Variants in RAPGEF6 observed in about 807,000 individuals in gnomAD.
The protein encoded by RAPGEF6 is Rap guanine nucleotide exchange factor 6.
Under a neutral mutation model 171.4 loss-of-function variants are expected in RAPGEF6, and 56 were observed. The ratio of observed to expected loss-of-function variants is 0.33; its 90% confidence interval spans 0.26 to 0.41. The LOEUF is 0.41. Among genes scored for constraint, RAPGEF6 ranks in the 10% least tolerant of loss-of-function variants. The pLI, the probability that RAPGEF6 is intolerant of heterozygous loss-of-function variation, is 1.00. For missense variants in RAPGEF6, 1,674 were observed against 1,921.4 expected, an observed-to-expected ratio of 0.87 and a Z score of 2.41; for synonymous variants, 692 against 650.1, an observed-to-expected ratio of 1.06 and a Z score of -0.98.
chr5:131,537,904 A>G (rs1310015279), intron 6 of RAPGEF6, among the ~76,000 whole-genome samples: 1 of 146,076 alleles, frequency 6.8e-6, no homozygotes, highest in African/African-American at 2.6e-5. Flanking sequence ...ACCAACCTGA[A>G]AAACATGATG....
At chr5:131,600,141 G>C (rs1416352148) in intron 3 of RAPGEF6, among the ~76,000 whole-genome samples, 1 of 152,086 alleles carries the variant, frequency 6.6e-6, no homozygotes, top group Non-Finnish European at 1.5e-5. Flanking sequence ...ATGACAATCC[G>C]ATTAATGTCA....
chr5:131,587,703 T>C (rs1216528692), intron 4 of RAPGEF6, among the ~76,000 whole-genome samples: 1 of 152,118 alleles, frequency 6.6e-6, no homozygotes, highest in African/African-American at 2.4e-5. Flanking sequence ...TTGCCCCTCT[T>C]TCTCCCTCAA....
intron 22 of RAPGEF6, among the ~76,000 whole-genome samples, chr5:131,444,755 G>C (rs1256068801): frequency 6.6e-6 from 1 of 152,108 alleles, no homozygotes; most frequent in Non-Finnish European, 1.5e-5. Context: ...CCATGAGGGT[G>C]TATATAAACT....
At chr5:131,471,498 T>C (rs867984179) in intron 17 of RAPGEF6, among the ~76,000 whole-genome samples, 2 of 152,190 alleles carry the variant, frequency 1.3e-5, no homozygotes, top group South Asian at 2.1e-4. Flanking sequence ...CTAGGAACTT[T>C]AGAGTCAAAA....
At chr5:131,521,361 ACG>A (rs764101900) in intron 7 of RAPGEF6, 27 bp downstream of exon 7, 2 of 1,564,856 alleles carry the variant, frequency 1.3e-6, no homozygotes, top group Admixed American at 3.9e-5. Flanking sequence ...AAAACCATAT[ACG>A]CAGCATACAA....
chr5:131,437,795 G>A (rs776153717), intron 24 of RAPGEF6, among the ~76,000 whole-genome samples: 2 of 152,174 alleles, frequency 1.3e-5, no homozygotes, highest in Non-Finnish European at 2.9e-5. Flanking sequence ...GTGAGTAATG[G>A]AGCTATGGTG....
intron 1 of RAPGEF6, among the ~76,000 whole-genome samples, chr5:131,606,029 C>CAAAAAA (rs1168486376): frequency 6.2e-3 from 435 of 69,864 alleles, no homozygotes; most frequent in East Asian, 0.021. Context: ...GACTCCATCT[C>CAAAAAA]AAAAAAAAAA....
At chr5:131,525,273 T>G (rs1264319304) in intron 6 of RAPGEF6, among the ~76,000 whole-genome samples, 1 of 152,124 alleles carries the variant, frequency 6.6e-6, no homozygotes, top group Non-Finnish European at 1.5e-5. Context: ...AATTTACAAT[T>G]AAGGCAAGTC....
intron 9 of RAPGEF6, among the ~76,000 whole-genome samples, chr5:131,506,431 AAAG>A (rs1757375203): frequency 6.6e-6 from 1 of 152,174 alleles, no homozygotes; most frequent in African/African-American, 2.4e-5. Flanking sequence ...CACCTGGCCC[AAAG>A]AAGATGTATT....
chr5:131,526,673 T>C (rs1758887528), intron 6 of RAPGEF6, among the ~76,000 whole-genome samples: 1 of 152,196 alleles, frequency 6.6e-6, no homozygotes, highest in South Asian at 2.1e-4. Flanking sequence ...CTTCCTGATC[T>C]ACCTGGACTC....
chr5:131,589,951 A>G (rs999553371), intron 4 of RAPGEF6, among the ~76,000 whole-genome samples: 1 of 152,116 alleles, frequency 6.6e-6, no homozygotes, highest in African/African-American at 2.4e-5. Context: ...TGCAACTAAC[A>G]TTCTTCAACC....
chr5:131,472,574 AT>A lies in RAPGEF6; in HGVS notation c.2239+12del. ...TACCAATACGGCAATATAAAATCAC[AT>A]ATGAAAATTACCTGAAGGATTGGAA... On this transcript the variant is annotated intron_variant, in intron 17 of 27. Transcript: ENST00000509018. 1 of 1,610,020 alleles carries A rather than the reference AT, an allele frequency of 6.2e-7. No individual in the cohort carries two copies. Among genetic ancestry groups the A allele is most frequent in the South Asian group, 1.1e-5 (1 of 90,962 alleles).
intron 4 of RAPGEF6, among the ~76,000 whole-genome samples, chr5:131,566,652 T>TA (rs1369194437): frequency 1.3e-5 from 2 of 152,158 alleles, no homozygotes; most frequent in Non-Finnish European, 2.9e-5. Flanking sequence ...GGAATGTATG[T>TA]AATAATGCTT....
At chr5:131,482,735 C>T (rs1010667786) in intron 15 of RAPGEF6, among the ~76,000 whole-genome samples, 3 of 152,162 alleles carry the variant, frequency 2.0e-5, no homozygotes, top group Non-Finnish European at 4.4e-5. Flanking sequence ...ACGCATAAAA[C>T]ATAACCAGAG....
intron 3 of RAPGEF6, among the ~76,000 whole-genome samples, chr5:131,601,589 T>C (rs1232961834): frequency 2.0e-5 from 3 of 151,892 alleles, no homozygotes; most frequent in Non-Finnish European, 1.5e-5. Context: ...AACAGGAAAA[T>C]GTAAAATAAA....
rs780948850 is a variant in RAPGEF6 at position 131,624,952 on chromosome 5, G to A, written c.69+10010C>T. 2.0e-5 allele frequency among the ~76,000 whole-genome samples: 3 copies of A among 151,604 alleles called. No individual in the cohort carries two copies. The South Asian group carries it at 6.3e-4, about 32-fold the overall frequency. On this transcript the variant is annotated intron_variant, in intron 1 of 27. Transcript: ENST00000509018. ...AGCCTGACCAACAAGGAGAAACCCC[G>A]TCTCTACTAAAAATACAAAAAGTAG...
chr5:131,592,007 G>A (rs1363756293), intron 4 of RAPGEF6, among the ~76,000 whole-genome samples: 1 of 151,948 alleles, frequency 6.6e-6, no homozygotes, highest in Non-Finnish European at 1.5e-5. Flanking sequence ...ACAGGTATGC[G>A]CCACCACACC....
At chr5:131,593,544 A>T (rs1763712450) in intron 3 of RAPGEF6, among the ~76,000 whole-genome samples, 2 of 152,348 alleles carry the variant, frequency 1.3e-5, no homozygotes, top group African/African-American at 2.4e-5. Context: ...AGATGTGGAA[A>T]AGTTTGGAAC....
chr5:131,494,670 AAAT>A (rs773983923), intron 13 of RAPGEF6, among the ~76,000 whole-genome samples: 41 of 152,358 alleles, frequency 2.7e-4, no homozygotes, highest in Admixed American at 9.1e-4. Flanking sequence ...CTGACAAAGA[AAAT>A]AATAGTCATC....
Sources: allele counts gnomAD v4.1 joint callset (sites outside exome capture counted in the v4.1 genomes callset), GRCh38; gene constraint gnomAD v4.1.1; transcripts MANE v1.5; gene names NCBI Gene and HGNC (gene_info 2026-07-23, HGNC 2026-07-21).